ATG7: variants seen among roughly 807,000 people sequenced by gnomAD.
ATG7 encodes autophagy related 7.
A neutral mutation model predicts 82.4 loss-of-function variants in ATG7; 70 were observed. The ratio of observed to expected loss-of-function variants is 0.85; its 90% confidence interval spans 0.70 to 1.04. ATG7 has a LOEUF of 1.04. Among genes scored for constraint, ATG7 ranks in the 50% least tolerant of loss-of-function variants. The probability of loss-of-function intolerance (pLI) is 0.00; values close to 1 mark genes in which losing one functional copy is unlikely to be tolerated. For missense variants in ATG7, 792 were observed against 864.3 expected, an observed-to-expected ratio of 0.92 and a Z score of 1.05; for synonymous variants, 287 against 313.0, an observed-to-expected ratio of 0.92 and a Z score of 0.88.
At chr3:11,538,786 A>C (rs1350547693) in intron 20 of ATG7, among the ~76,000 whole-genome samples, 2 of 145,796 alleles carry the variant, frequency 1.4e-5, no homozygotes, top group Non-Finnish European at 3.0e-5. Context: ...AGATGGGAGG[A>C]TCACCTGAGC....
intron 20 of ATG7, among the ~76,000 whole-genome samples, chr3:11,499,860 C>G (rs1160467011): frequency 6.6e-6 from 1 of 152,092 alleles, no homozygotes; most frequent in Non-Finnish European, 1.5e-5. Flanking sequence ...AGCTGTTACA[C>G]AGGTGTAGTA....
At chr3:11,572,962 G>GTTTGA in the ATG7 span, among the ~76,000 whole-genome samples, 6 of 152,204 alleles carry the variant, frequency 3.9e-5, no homozygotes, top group African/African-American at 1.4e-4. Flanking sequence ...GAGGTCAGGA[G>GTTTGA]TTTGAGACCG....
chr3:11,426,081 T>C (rs1306930534), intron 19 of ATG7, among the ~76,000 whole-genome samples: 3 of 152,222 alleles, frequency 2.0e-5, no homozygotes, highest in African/African-American at 7.2e-5. Context: ...TGGACACTTT[T>C]GTTTGTGTCT....
At chr3:11,382,287 G>T (rs116603513) in intron 19 of ATG7, among the ~76,000 whole-genome samples, 2,646 of 151,932 alleles carry the variant, frequency 0.017, 70 homozygotes, top group African/African-American at 0.049. Flanking sequence ...CATATATATA[G>T]AGAGAGAGAG....
chr3:11,274,180 G>A (rs750356309), intron 1 of ATG7, among the ~76,000 whole-genome samples: 4 of 151,974 alleles, frequency 2.6e-5, no homozygotes, highest in East Asian at 1.9e-4. Context: ...TCCGTTTTTC[G>A]TTCCCAGCCA....
intron 20 of ATG7, among the ~76,000 whole-genome samples, chr3:11,484,017 A>G (rs926169933): frequency 1.3e-5 from 2 of 152,188 alleles, no homozygotes; most frequent in South Asian, 2.1e-4. Flanking sequence ...ATAATTTGAC[A>G]ATTACTTATG....
intron 20 of ATG7, among the ~76,000 whole-genome samples, chr3:11,484,895 AG>A (rs1353583064): frequency 6.6e-6 from 1 of 152,182 alleles, no homozygotes; most frequent in Non-Finnish European, 1.5e-5. Flanking sequence ...ATGGCTGCAT[AG>A]TATTCCATGG....
intron 3 of ATG7, among the ~76,000 whole-genome samples, chr3:11,288,180 C>G (rs1944398259): frequency 6.6e-6 from 1 of 152,186 alleles, no homozygotes; most frequent in African/African-American, 2.4e-5. Context: ...AAATAATCAT[C>G]CAATATATGC....
At chr3:11,353,901 A>G (rs572812507) in intron 14 of ATG7, among the ~76,000 whole-genome samples, 25 of 152,200 alleles carry the variant, frequency 1.6e-4, no homozygotes, top group Non-Finnish European at 3.4e-4. Context: ...CACAGGAAAT[A>G]CAAAGAAGTG....
At chr3:11,513,661 C>T (rs2092162506) in intron 20 of ATG7, among the ~76,000 whole-genome samples, 1 of 152,244 alleles carries the variant, frequency 6.6e-6, no homozygotes, top group African/African-American at 2.4e-5. Flanking sequence ...GAGCCAGCTC[C>T]AACCTTGGCC....
chr3:11,445,288 A>T (rs1376888028), intron 20 of ATG7, among the ~76,000 whole-genome samples: 1 of 152,264 alleles, frequency 6.6e-6, no homozygotes, highest in Admixed American at 6.5e-5. Context: ...AATAGCGAAG[A>T]CATAGAATCA....
chr3:11,387,271 G>C (rs1356871838), intron 19 of ATG7, among the ~76,000 whole-genome samples: 1 of 152,212 alleles, frequency 6.6e-6, no homozygotes, highest in African/African-American at 2.4e-5. Flanking sequence ...CATGTCTCTT[G>C]ACAATGACAG....
intron 18 of ATG7, among the ~76,000 whole-genome samples, chr3:11,366,479 A>G (rs1289036405): frequency 1.3e-5 from 2 of 152,098 alleles, no homozygotes; most frequent in Middle Eastern, 3.2e-3. Flanking sequence ...ATAACCATCT[A>G]TCATAAGGAA....
intron 14 of ATG7, chr3:11,348,862 A>G (rs891445023): frequency 1.3e-5 from 2 of 152,278 alleles, no homozygotes; most frequent in Non-Finnish European, 2.9e-5. Context: ...GCCTTTTTAC[A>G]GAGTTCTGAC....
At chr3:11,569,958 G>T in the ATG7 span, among the ~76,000 whole-genome samples, 1 of 152,178 alleles carries the variant, frequency 6.6e-6, no homozygotes, top group Non-Finnish European at 1.5e-5. Context: ...ACTGAAGGGT[G>T]CCCTGAAACC....
At chr3:11,284,949 C>T (rs1943716409) in intron 3 of ATG7, among the ~76,000 whole-genome samples, 2 of 151,300 alleles carry the variant, frequency 1.3e-5, no homozygotes, top group Admixed American at 1.3e-4. Flanking sequence ...CGGGTTCACG[C>T]CATTCTCCTG....
intron 6 of ATG7, chr3:11,308,622 G>A: frequency 3.9e-6 from 1 of 254,326 alleles, no homozygotes. Flanking sequence ...GGTAGGGACT[G>A]ACTGTGTCTT....
chr3:11,451,825 C>T (rs2085179766), intron 20 of ATG7, among the ~76,000 whole-genome samples: 1 of 149,538 alleles, frequency 6.7e-6, no homozygotes, highest in African/African-American at 2.5e-5. Context: ...CCAGGCTGCC[C>T]TGTCTCTCTC....
intron 20 of ATG7, among the ~76,000 whole-genome samples, chr3:11,493,357 T>C (rs2090554505): frequency 6.6e-6 from 1 of 152,164 alleles, no homozygotes; most frequent in Non-Finnish European, 1.5e-5. Flanking sequence ...CCTGGAGTCT[T>C]TATAGACACA....
Sources: allele counts gnomAD v4.1 joint callset (sites outside exome capture counted in the v4.1 genomes callset), GRCh38; gene constraint gnomAD v4.1.1; transcripts MANE v1.5; gene names NCBI Gene and HGNC (gene_info 2026-07-23, HGNC 2026-07-21).